SPAG17: variants seen among roughly 807,000 people sequenced by gnomAD.
SPAG17 encodes the protein sperm-associated antigen 17.
In SPAG17, 169 loss-of-function variants were observed where a neutral mutation model predicts 273.6. That is an observed-to-expected ratio of 0.62 (90% CI 0.55 to 0.70). SPAG17 has a LOEUF of 0.70. SPAG17 is among the 30% of genes least tolerant of loss of function. SPAG17 has a pLI of 0.00. For synonymous variants in SPAG17, 825 were observed against 873.2 expected, an observed-to-expected ratio of 0.94 and a Z score of 0.97; for missense variants, 2,557 against 2,627.8, an observed-to-expected ratio of 0.97 and a Z score of 0.59.
intron 46 of SPAG17, among the ~76,000 whole-genome samples, chr1:117,967,598 G>A (rs1160007687): frequency 6.6e-6 from 1 of 152,182 alleles, no homozygotes; most frequent in Non-Finnish European, 1.5e-5. Flanking sequence ...TCCTAATGCA[G>A]GATGCATAAA....
At chr1:118,024,149 T>A (rs1372942494) in intron 27 of SPAG17, among the ~76,000 whole-genome samples, 1 of 152,214 alleles carries the variant, frequency 6.6e-6, no homozygotes. Flanking sequence ...TTGCCCTGTT[T>A]AATCTGAAGT....
intron 16 of SPAG17, 47 bp from the exon 17 acceptor site, chr1:118,074,014 C>A: frequency 7.3e-7 from 1 of 1,367,758 alleles, no homozygotes; most frequent in Non-Finnish European, 9.9e-7. Context: ...TGTTTAAGTC[C>A]AAATGGAGCC....
chr1:117,982,154 A>AC (rs1211686641), intron 42 of SPAG17, among the ~76,000 whole-genome samples: 1 of 152,078 alleles, frequency 6.6e-6, no homozygotes, highest in Non-Finnish European at 1.5e-5. Flanking sequence ...ACTCTGTCAT[A>AC]ATTAGATATT....
intron 7 of SPAG17, among the ~76,000 whole-genome samples, chr1:118,096,599 G>T (rs1248137221): frequency 6.6e-6 from 1 of 152,148 alleles, no homozygotes; most frequent in Non-Finnish European, 1.5e-5. Flanking sequence ...CTGTAGCAGA[G>T]GGATGCCTGA....
At chr1:118,028,134 T>C in intron 26 of SPAG17, 140 bp downstream of exon 26, 2 of 999,806 alleles carry the variant, frequency 2.0e-6, no homozygotes, top group East Asian at 2.4e-5. Flanking sequence ...CTGGCCATAG[T>C]AAATGCTACA....
intron 13 of SPAG17, among the ~76,000 whole-genome samples, chr1:118,083,144 A>C (rs1654720560): frequency 6.6e-6 from 1 of 151,826 alleles, no homozygotes; most frequent in African/African-American, 2.4e-5. Context: ...TTTTGTAGAG[A>C]TGGGTTTTGC....
At chr1:118,129,751 TTTTC>T (rs1298029408) in intron 3 of SPAG17, among the ~76,000 whole-genome samples, 2 of 151,882 alleles carry the variant, frequency 1.3e-5, no homozygotes, top group African/African-American at 4.8e-5. Flanking sequence ...TTCTTTGTTT[TTTTC>T]TTTTTCTTTC....
chr1:118,022,577 G>T (rs74897526), intron 28 of SPAG17, among the ~76,000 whole-genome samples: 357 of 152,274 alleles, frequency 2.3e-3, no homozygotes, highest in African/African-American at 8.3e-3. Flanking sequence ...TGAGGAAGTA[G>T]ACATTTTCAT....
intron 17 of SPAG17, among the ~76,000 whole-genome samples, chr1:118,067,334 G>A (rs966794142): frequency 2.0e-5 from 3 of 152,204 alleles, no homozygotes; most frequent in Admixed American, 6.5e-5. Context: ...CTGCTAGTGT[G>A]ATGGTATTTG....
At chr1:118,103,896 C>CG (rs1416151546) in intron 4 of SPAG17, among the ~76,000 whole-genome samples, 2 of 124,074 alleles carry the variant, frequency 1.6e-5, no homozygotes, top group African/African-American at 5.9e-5. Flanking sequence ...TAAGAGGCTG[C>CG]GTGTGTTCCA....
Position 118,099,772 on chromosome 1 carries a change from A to G in SPAG17, c.663T>C (p.His221=). 1 of 1,612,830 alleles carries G rather than the reference A, an allele frequency of 6.2e-7. No individual in the cohort carries two copies. Among genetic ancestry groups the G allele is most frequent in the Non-Finnish European group, 8.5e-7 (1 of 1,179,868 alleles). The stretch of plus-strand genomic sequence containing the variant: ...TGTTAAAGCCCACAACTATAATGTA[A>G]TGTTGGGCACCATCATCTGGCTCAT... ...IDDEPDDGAQ[H]YIIVVGFNNP... is the part of the protein sequence containing the mutation. The change falls in exon 6 of 49, where the codon CAT becomes CAC. Residue 221 remains histidine (H), a synonymous_variant. Coordinates refer to ENST00000336338, the MANE Select transcript of SPAG17 (RefSeq NM_206996.4).
intron 15 of SPAG17, among the ~76,000 whole-genome samples, chr1:118,079,000 A>G (rs1654326407): frequency 6.6e-6 from 1 of 152,040 alleles, no homozygotes; most frequent in African/African-American, 2.4e-5. Flanking sequence ...ATGTTCGTGA[A>G]TGAGTTTAAT....
chr1:118,087,496 G>T (rs953165525), intron 10 of SPAG17, among the ~76,000 whole-genome samples: 2 of 152,146 alleles, frequency 1.3e-5, no homozygotes, highest in Non-Finnish European at 2.9e-5. Context: ...TTGTATAGAG[G>T]AGAAAACTAG....
chr1:118,077,163 C>T (rs530703849), intron 15 of SPAG17, among the ~76,000 whole-genome samples: 6 of 152,080 alleles, frequency 3.9e-5, no homozygotes, highest in Non-Finnish European at 7.4e-5. Context: ...TTAAAGTTGG[C>T]GGCTTTGAAG....
rs1040430438 is a variant in SPAG17 at position 118,059,613 on chromosome 1, G to A, written c.2541-3699C>T. ...ATATTACTTTGCTGTTCAATGTTGT[G>A]TACATACATATTTACAATTGGTCTA... On this transcript the variant is annotated intron_variant, in intron 18 of 48. Transcript: ENST00000336338. Among the ~76,000 whole-genome samples the A allele has an allele frequency of 2.0e-5, 3 of 151,932 alleles. No homozygotes were observed. The South Asian group carries it at 6.2e-4, about 31-fold the overall frequency.
At chr1:118,025,139 T>A in intron 27 of SPAG17, 99 bp downstream of exon 27, 1 of 987,738 alleles carries the variant, frequency 1.0e-6, no homozygotes, top group Non-Finnish European at 1.5e-6. Context: ...CTTTTTCTAG[T>A]GAGTTGTTCC....
At chr1:118,110,610 C>T (rs1353013312) in intron 4 of SPAG17, among the ~76,000 whole-genome samples, 1 of 152,158 alleles carries the variant, frequency 6.6e-6, no homozygotes, top group African/African-American at 2.4e-5. Context: ...GTCAGGATTT[C>T]CTTTGGAATC....
rs376168199 is a variant in SPAG17, at chr1:118,028,372, G to C, written c.3632C>G (p.Pro1211Arg). The change falls in exon 26 of 49, where the codon CCT (proline) becomes CGT (arginine). Residue 1211 changes from proline (P) to arginine (R), a missense_variant. Coordinates refer to ENST00000336338, the MANE Select transcript of SPAG17 (RefSeq NM_206996.4). ...EKKEEEVEPE[P>R]VLQETLDVPT... is the part of the protein sequence containing the mutation. The stretch of plus-strand genomic sequence containing the variant: ...AACATCCAAAGTCTCTTGTAAAACA[G>C]GTTCTGGTTCTACTTCTTCTTCCTG... The C allele has an allele frequency of 2.5e-6, 4 of 1,613,780 alleles. No individual in the cohort carries two copies. Among genetic ancestry groups the C allele is most frequent in the Middle Eastern group, 3.3e-4 (2 of 6,054 alleles).
chr1:118,039,078 T>C (rs1200062978), intron 23 of SPAG17, among the ~76,000 whole-genome samples: 1 of 152,048 alleles, frequency 6.6e-6, no homozygotes, highest in African/African-American at 2.4e-5. Context: ...AAAACTGCTA[T>C]AAAAAATAAA....
Sources: gnomAD v4.1 joint callset for allele counts (sites outside exome capture counted in the v4.1 genomes callset) on GRCh38, gnomAD v4.1.1 for gene constraint, MANE v1.5 for transcripts, NCBI Gene and HGNC (gene_info 2026-07-23, HGNC 2026-07-21) for gene names.